CASZ1: variants seen among roughly 807,000 people sequenced by gnomAD.
CASZ1 encodes the protein castor zinc finger 1.
In CASZ1, 28 loss-of-function variants were observed where a neutral mutation model predicts 135.2. The ratio of observed to expected loss-of-function variants is 0.21; its 90% CI spans 0.15 to 0.28. CASZ1 has a LOEUF of 0.28. Among genes scored for constraint, CASZ1 ranks in the 10% least tolerant of loss-of-function variants. The probability of loss-of-function intolerance (pLI) is 1.00; values close to 1 mark genes in which losing one functional copy is unlikely to be tolerated. For synonymous variants in CASZ1, 1,068 were observed against 1,073.4 expected (o/e 0.99, Z 0.10); for missense variants, 2,161 against 2,453.3 (o/e 0.88, Z 2.52).
At chr1:10,766,253 G>A (rs949445712) in intron 1 of CASZ1, among the ~76,000 whole-genome samples, 6 of 152,102 alleles carry the variant, frequency 3.9e-5, no homozygotes, top group African/African-American at 1.4e-4. Flanking sequence ...CCAGATCACT[G>A]GGCAACATGC....
rs1222756676 is a variant in CASZ1 at position 10,679,871 on chromosome 1, C to T, written c.16+14003G>A. On this transcript the variant is annotated intron_variant, in intron 4 of 20. Coordinates refer to ENST00000377022, the MANE Select transcript of CASZ1 (RefSeq NM_001079843.3). The surrounding 1 kb of genome is among the most constrained non-coding windows in gnomAD (Gnocchi z 4.7). ...GATCTGCAGGGGCAGCAGGCCAAGT[C>T]CCAGCCCTGGGACTCCCCTCCCCTA... Among the ~76,000 whole-genome samples the T allele has an allele frequency of 6.6e-6, 1 of 152,202 alleles. No individual in the cohort carries two copies. Among genetic ancestry groups the T allele is most frequent in the Non-Finnish European group, 1.5e-5 (1 of 68,036 alleles).
At position 10,777,378 on chromosome 1, in the gene CASZ1, T is replaced by C. The variant is rs1640680073; in HGVS notation, c.-233-16521A>G. On this transcript the variant is annotated intron_variant, in intron 1 of 20. Coordinates refer to ENST00000377022, the MANE Select transcript of CASZ1 (RefSeq NM_001079843.3). This position sits in a 1 kb window ranked among gnomAD's most constrained non-coding sequence, Gnocchi z 4.4. ...TGACTTCACCCTTCACCCACAAGCC[T>C]CCTTTCTCTTATTGGTCAAACCACC... Among the ~76,000 whole-genome samples the C allele has an allele frequency of 6.6e-6, 1 of 151,932 alleles. No homozygotes were observed. Among genetic ancestry groups the C allele is most frequent in the South Asian group, 2.1e-4 (1 of 4,790 alleles).
Position 10,755,100 on chromosome 1 carries a change from G to A in CASZ1, c.-77+5601C>T, listed in dbSNP as rs1640225333. ...AGGGGAGCGACCCCCAGGCCTGAAG[G>A]GCAGAGAGCAAGCGGCAGTGGTGTG... On this transcript the variant is annotated intron_variant, in intron 2 of 20. Transcript: ENST00000377022. The surrounding 1 kb of genome is among the most constrained non-coding windows in gnomAD (Gnocchi z 4.3). Among the ~76,000 whole-genome samples the A allele has an allele frequency of 6.6e-6, 1 of 152,180 alleles. No homozygotes were observed. Among genetic ancestry groups the A allele is most frequent in the Non-Finnish European group, 1.5e-5 (1 of 68,024 alleles).
Position 10,639,520 on chromosome 1 carries a change from A to ACTTGAG in CASZ1, c.4696_4701dup (p.Leu1566_Lys1567dup). On this transcript the variant is annotated inframe_insertion, in exon 21 of 21. Transcript: ENST00000377022. This position sits in a 1 kb window ranked among gnomAD's most constrained non-coding sequence, Gnocchi z 4.0. ...GGGAAGGTGCAGTGGAAGTGCGAGCACTTGAGCTTGTACTTGCAGTCGGGC... is the reference window on the plus strand; with the variant it reads ...GGGAAGGTGCAGTGGAAGTGCGAGCACTTGAGCTTGAGCTTGTACTTGCAGTCGGGC... The ACTTGAG allele has an allele frequency of 1.9e-6, 3 of 1,611,768 alleles. No individual in the cohort carries two copies. Among genetic ancestry groups the ACTTGAG allele is most frequent in the Non-Finnish European group, 2.5e-6 (3 of 1,179,276 alleles).
chr1:10,750,500 C>T (rs1037749973), intron 2 of CASZ1, among the ~76,000 whole-genome samples: 1 of 152,114 alleles, frequency 6.6e-6, no homozygotes, highest in Non-Finnish European at 1.5e-5. Flanking sequence ...GAACCCCTGG[C>T]GTCAAGCGAT....
intron 17 of CASZ1, among the ~76,000 whole-genome samples, chr1:10,645,398 C>T (rs1338855445): frequency 2.6e-5 from 4 of 152,118 alleles, no homozygotes; most frequent in Non-Finnish European, 5.9e-5. Flanking sequence ...GGCGTGGTGG[C>T]GGGCGCCTGT....
At chr1:10,714,115 T>C (rs555835320) in intron 2 of CASZ1, among the ~76,000 whole-genome samples, 1 of 152,314 alleles carries the variant, frequency 6.6e-6, no homozygotes, top group Admixed American at 6.5e-5. Flanking sequence ...GAGACCAGCC[T>C]GGCCAACATG....
chr1:10,706,497 A>G lies in CASZ1; in HGVS notation c.-76-953T>C, dbSNP rs999025944. ...CAATGATGCAAGAGGAATAACACCAATTTCCTTAGGCTATGTAATCCCCAA... is the reference window on the plus strand; with the variant it reads ...CAATGATGCAAGAGGAATAACACCAGTTTCCTTAGGCTATGTAATCCCCAA... On this transcript the variant is annotated intron_variant, in intron 2 of 20. Transcript: ENST00000377022. This position sits in a 1 kb window ranked among gnomAD's most constrained non-coding sequence, Gnocchi z 4.3. Among the ~76,000 whole-genome samples, 14 of 152,098 alleles carry G rather than the reference A, an allele frequency of 9.2e-5. No individual in the cohort carries two copies. Among genetic ancestry groups the G allele is most frequent in the South Asian group, 6.2e-4 (3 of 4,830 alleles).
intron 4 of CASZ1, among the ~76,000 whole-genome samples, chr1:10,669,154 G>A (rs926450511): frequency 2.0e-5 from 3 of 152,308 alleles, no homozygotes; most frequent in Admixed American, 6.5e-5. Flanking sequence ...ACGGCCCAGC[G>A]GAGCCGGCAC....
chr1:10,767,876 G>A lies in CASZ1; in HGVS notation c.-233-7019C>T, dbSNP rs1640505231. On this transcript the variant is annotated intron_variant, in intron 1 of 20. Transcript: ENST00000377022. This position sits in a 1 kb window ranked among gnomAD's most constrained non-coding sequence, Gnocchi z 4.2. ...GGCCCATGAGGAGGGCCACGACCCT[G>A]GCATCACCCCAGTCCCCCAACGCCC... Among the ~76,000 whole-genome samples, 1 of 151,796 alleles carries A rather than the reference G, an allele frequency of 6.6e-6. No individual in the cohort carries two copies. Among genetic ancestry groups the A allele is most frequent in the South Asian group, 2.1e-4 (1 of 4,800 alleles).
chr1:10,673,105 G>C (rs1048190104), intron 4 of CASZ1, among the ~76,000 whole-genome samples: 1 of 152,138 alleles, frequency 6.6e-6, no homozygotes, highest in African/African-American at 2.4e-5. Context: ...GACCGGGAGG[G>C]CCCTGCGGAG....
At chr1:10,655,951 G>C in intron 8 of CASZ1, 138 bp from the exon 9 acceptor site, 1 of 777,930 alleles carries the variant, frequency 1.3e-6, no homozygotes, top group East Asian at 2.6e-5. Flanking sequence ...AGGCAGCCCA[G>C]ATTGTCCAAG....
At chr1:10,793,712 G>T (rs1173182149) in intron 1 of CASZ1, among the ~76,000 whole-genome samples, 2 of 152,114 alleles carry the variant, frequency 1.3e-5, no homozygotes, top group Non-Finnish European at 2.9e-5. Flanking sequence ...TAACAAGAAG[G>T]GGGTGGGTGG....
Position 10,653,060 on chromosome 1 carries a change from G to C in CASZ1, c.2680+317C>G, listed in dbSNP as rs1463915788. 12 of 410,878 alleles carry C rather than the reference G, an allele frequency of 2.9e-5. No homozygotes were observed. The East Asian group carries it at 4.5e-4, about 15-fold the overall frequency. 25.5% of individuals were successfully genotyped at this position (410,878 alleles called of 1,614,324 possible). On this transcript the variant is annotated intron_variant, in intron 11 of 20. Coordinates refer to ENST00000377022, the MANE Select transcript of CASZ1 (RefSeq NM_001079843.3). ...ATCAGGGTGGACTTGGGATGTGGGA[G>C]GGTGAGCAGACAGGGAGGGGGGACC...
intron 18 of CASZ1, among the ~76,000 whole-genome samples, chr1:10,643,954 G>T (rs1308716913): frequency 6.6e-6 from 1 of 152,236 alleles, no homozygotes; most frequent in Non-Finnish European, 1.5e-5. Context: ...AGCACAGGCC[G>T]CAAGTGTTGA....
Position 10,653,881 on chromosome 1 carries a change from C to T in CASZ1, c.2176G>A (p.Val726Ile). ...TTGCTGCTCAGGGCGGAGAAGTCAACAAGGTCGTCGTTGCTGGACTCCTCG... is the reference window on the plus strand; with the variant it reads ...TTGCTGCTCAGGGCGGAGAAGTCAATAAGGTCGTCGTTGCTGGACTCCTCG... Reference protein sequence around the residue: ...EHEESSNDDLVDFSALSSKNS... With the variant: ...EHEESSNDDLIDFSALSSKNS... Residue 726 changes from valine to isoleucine, a missense_variant, in exon 11 of 21, where the codon GTT (valine) becomes ATT (isoleucine). Around this residue, in one of 7 missense-constraint regions of CASZ1, gnomAD observed 406 missense variants for 387.6 expected, o/e 1.05. Coordinates refer to ENST00000377022, the MANE Select transcript of CASZ1 (RefSeq NM_001079843.3). 2 of 1,613,292 alleles carry T rather than the reference C, an allele frequency of 1.2e-6. No individual in the cohort carries two copies. The highest frequency in any genetic ancestry group is 8.5e-7 in the Non-Finnish European group (1 of 1,179,566).
intron 18 of CASZ1, among the ~76,000 whole-genome samples, chr1:10,644,256 G>C (rs1022908517): frequency 6.6e-6 from 1 of 152,146 alleles, no homozygotes; most frequent in Non-Finnish European, 1.5e-5. Flanking sequence ...CTGTGAACAG[G>C]GGCCAGGGGC....
intron 1 of CASZ1, among the ~76,000 whole-genome samples, chr1:10,778,372 T>A (rs1640698641): frequency 6.6e-6 from 1 of 151,386 alleles, no homozygotes; most frequent in Non-Finnish European, 1.5e-5. Context: ...TCATAAACAA[T>A]CTCATACATG....
At position 10,709,977 on chromosome 1, in the gene CASZ1, C is replaced by T. The variant is rs139293853; in HGVS notation, c.-76-4433G>A. 4.7e-4 allele frequency among the ~76,000 whole-genome samples: 72 copies of T among 152,306 alleles called. 1 individual carries two copies. In the East Asian group the frequency reaches 0.013, roughly 27 times the overall value. ...AGACCCCGGAGTCGGAGCAGGCCTC[C>T]GGATTGGCTCTGGGCTCTTTCCAGG... On this transcript the variant is annotated intron_variant, in intron 2 of 20. Coordinates refer to ENST00000377022, the MANE Select transcript of CASZ1 (RefSeq NM_001079843.3). The surrounding 1 kb of genome is among the most constrained non-coding windows in gnomAD (Gnocchi z 5.1).
Sources: gnomAD v4.1 joint callset for allele counts (sites outside exome capture counted in the v4.1 genomes callset) on GRCh38, gnomAD v4.1.1 for gene constraint, gnomAD v4.1.1 regional missense constraint, Gnocchi (gnomAD v3.1) non-coding constraint, MANE v1.5 for transcripts, NCBI Gene and HGNC (gene_info 2026-07-23, HGNC 2026-07-21) for gene names.